MROH2B: variants seen among roughly 807,000 people sequenced by gnomAD.
MROH2B encodes maestro heat like repeat family member 2B.
Under a neutral mutation model 208.6 loss-of-function variants are expected in MROH2B, and 177 were observed. The observed-to-expected ratio is 0.85, with a 90% CI of 0.75 to 0.96. The LOEUF (loss-of-function observed/expected upper bound fraction) is 0.96. MROH2B is among the 40% of genes least tolerant of loss of function. The pLI is 0.00. For synonymous variants in MROH2B, 728 were observed against 659.0 expected (o/e 1.10, Z -1.60); for missense variants, 2,002 against 1,878.7 (o/e 1.07, Z -1.21).
intron 22 of MROH2B, 63 bp downstream of exon 22, chr5:41,033,775 G>T (rs895869461): frequency 1.0e-6 from 1 of 979,566 alleles, no homozygotes; most frequent in Non-Finnish European, 1.5e-6. Flanking sequence ...ACACTTCAGG[G>T]GGGCATTATC....
At chr5:41,055,909 A>C in intron 9 of MROH2B, 54 bp from the exon 10 acceptor site, 1 of 1,254,550 alleles carries the variant, frequency 8.0e-7, no homozygotes, top group Non-Finnish European at 1.2e-6. Context: ...TAGGTAAAAT[A>C]CTTGTGAATG....
At chr5:41,003,964 C>T (rs1741485981) in intron 37 of MROH2B, among the ~76,000 whole-genome samples, 1 of 152,144 alleles carries the variant, frequency 6.6e-6, no homozygotes, top group Non-Finnish European at 1.5e-5. Flanking sequence ...TCTAAAAGGC[C>T]AGACAGTAAA....
intron 21 of MROH2B, 63 bp downstream of exon 21, chr5:41,038,673 G>A (rs1256221272): frequency 7.3e-6 from 11 of 1,502,846 alleles, no homozygotes; most frequent in East Asian, 2.3e-5. Context: ...CCCAGGGACT[G>A]AGCCCCTGCA....
Position 41,008,700 on chromosome 5 carries a change from A to T in MROH2B, c.3514T>A (p.Cys1172Ser). 1 of 1,613,944 alleles carries T rather than the reference A, an allele frequency of 6.2e-7. No individual in the cohort carries two copies. Among genetic ancestry groups the T allele is most frequent in the Non-Finnish European group, 8.5e-7 (1 of 1,179,852 alleles). ...GTGAGCATCTTCTGGCCCAGTGTGC[A>T]GCTAACCAGCTTCAGGAGGAGAGTG... The part of the protein sequence containing the change: ...LFTLLLKLVS[C>S]TLGQKMLTCP... The change falls in exon 33 of 42, where the codon TGC becomes AGC. Residue 1172 changes from cysteine to serine, a missense_variant. Coordinates refer to ENST00000399564, the MANE Select transcript of MROH2B (RefSeq NM_173489.5).
intron 31 of MROH2B, 56 bp from the exon 32 acceptor site, chr5:41,009,462 C>T: frequency 6.3e-7 from 1 of 1,583,272 alleles, no homozygotes; most frequent in South Asian, 1.1e-5. Context: ...GGGCTGTAAG[C>T]TTTTCCATCT....
chr5:41,024,055 A>C (rs1742258240), intron 24 of MROH2B, among the ~76,000 whole-genome samples: 1 of 152,212 alleles, frequency 6.6e-6, no homozygotes, highest in Admixed American at 6.5e-5. Flanking sequence ...GGTAAAGAAC[A>C]ACCAGTACCA....
intron 6 of MROH2B, among the ~76,000 whole-genome samples, chr5:41,059,438 C>T (rs1743569419): frequency 6.6e-6 from 1 of 152,104 alleles, no homozygotes; most frequent in South Asian, 2.1e-4. Flanking sequence ...TAAAAATTGA[C>T]ATCATTCTTA....
rs751583908 is a variant in MROH2B, at chr5:41,009,388, C to T, written c.3312G>A (p.Trp1104Ter). The T allele has an allele frequency of 6.2e-7, 1 of 1,613,836 alleles. No individual in the cohort carries two copies. Among genetic ancestry groups the T allele is most frequent in the South Asian group, 1.1e-5 (1 of 91,076 alleles). The change falls in exon 32 of 42, where the codon TGG (tryptophan) becomes TGA (stop). Residue 1104 changes from tryptophan to a stop codon, truncating the protein, a stop_gained. Transcript: ENST00000399564. LOFTEE classifies it high-confidence loss of function. ...AGGCTGGCTTTTCAGCCAGCGCCTT[C>T]CACAATGTCTTTGTGTCCCTAGGGT... ...LPFDRDTKTL[W>*]KALAEKPASS...
chr5:41,017,066 T>C (rs1334629538), intron 28 of MROH2B, among the ~76,000 whole-genome samples: 1 of 152,110 alleles, frequency 6.6e-6, no homozygotes, highest in Non-Finnish European at 1.5e-5. Flanking sequence ...TCAATAAATA[T>C]TTTGAATACC....
At position 41,046,441 on chromosome 5, in the gene MROH2B, G is replaced by GT. The variant is rs1554050443; in HGVS notation, c.1729-589dup. On this transcript the variant is annotated intron_variant, in intron 17 of 41. Coordinates refer to ENST00000399564, the MANE Select transcript of MROH2B (RefSeq NM_173489.5). ...TTCTTTGAACAATACATAGAAAAGT[G>GT]TTTTTTTTTTCTTTTGGACAAACAC... Among the ~76,000 whole-genome samples, 615 of 147,326 alleles carry GT rather than the reference G, an allele frequency of 4.2e-3. 1 individual carries two copies. The highest frequency in any genetic ancestry group is 6.1e-3 in the Non-Finnish European group (408 of 66,522).
At chr5:41,052,633 G>T (rs9764586) in intron 11 of MROH2B, 46 bp from the exon 12 acceptor site, 108,418 of 1,523,638 alleles carry the variant, frequency 0.071, 4,570 homozygotes, top group African/African-American at 0.17. Flanking sequence ...ATGTTTTGCA[G>T]AAGGGAAATT....
Position 41,055,836 on chromosome 5 carries a change from C to T in MROH2B, c.939G>A (p.Glu313=). Residue 313 remains glutamate (E), a synonymous_variant, in exon 10 of 42, where the codon GAG becomes GAA. Transcript: ENST00000399564. The part of the protein sequence containing the change: ...FLILAHSNPG[E]LMEFFDEQVR... ...CTTGTTCATCAAAAAATTCCATCAG[C>T]TCTCCAGGATTGGAATGGGCTGCAG... 6.2e-7 allele frequency: 1 copy of T among 1,613,658 alleles called. No individual in the cohort carries two copies. The highest frequency in any genetic ancestry group is 8.5e-7 in the Non-Finnish European group (1 of 1,179,634).
At chr5:41,033,899 T>C in intron 21 of MROH2B, 35 bp from the exon 22 acceptor site, 2 of 1,548,556 alleles carry the variant, frequency 1.3e-6, no homozygotes, top group Non-Finnish European at 1.7e-6. Flanking sequence ...AGATACTCAA[T>C]GAGTGGCATT....
In MROH2B at chr5:41,064,578, G is replaced by C. The variant is rs750215206; in HGVS notation, c.362-8C>G. The C allele has an allele frequency of 2.5e-6, 4 of 1,604,828 alleles. No individual in the cohort carries two copies. The South Asian group carries it at 3.3e-5, about 13-fold the overall frequency. On this transcript the variant is annotated splice_polypyrimidine_tract_variant and splice_region_variant and intron_variant, in intron 4 of 41. Coordinates refer to ENST00000399564, the MANE Select transcript of MROH2B (RefSeq NM_173489.5). The stretch of plus-strand genomic sequence containing the variant: ...AAGGAATACTCTGGGACACTGGAGG[G>C]AGAGGCAGAAAGGAGACAAGTGTTA...
chr5:41,026,141 T>G (rs1272294566), intron 24 of MROH2B, among the ~76,000 whole-genome samples: 2 of 152,124 alleles, frequency 1.3e-5, no homozygotes, highest in Non-Finnish European at 2.9e-5. Context: ...AGGGATGCCT[T>G]CTCTCACCAC....
chr5:41,043,842 C>G (rs1249709430), intron 18 of MROH2B, among the ~76,000 whole-genome samples: 4 of 152,106 alleles, frequency 2.6e-5, no homozygotes, highest in African/African-American at 7.2e-5. Context: ...GCCTATACCT[C>G]AAGAGTCCTT....
chr5:41,041,756 T>A (rs909865557), intron 19 of MROH2B, among the ~76,000 whole-genome samples: 4 of 151,548 alleles, frequency 2.6e-5, no homozygotes, highest in African/African-American at 9.7e-5. Context: ...TTACATTCTC[T>A]CTAGATTAGT....
At chr5:41,020,836 A>T (rs991962916) in intron 24 of MROH2B, among the ~76,000 whole-genome samples, 1 of 152,344 alleles carries the variant, frequency 6.6e-6, no homozygotes. Context: ...TATAGCTAAC[A>T]TTATATTCAA....
At chr5:41,003,698 G>A (rs570525555) in intron 37 of MROH2B, among the ~76,000 whole-genome samples, 226 of 152,276 alleles carry the variant, frequency 1.5e-3, no homozygotes, top group African/African-American at 5.2e-3. Flanking sequence ...TATGAAGAAT[G>A]CACTAGAGAA....
Sources: allele counts gnomAD v4.1 joint callset (sites outside exome capture counted in the v4.1 genomes callset), GRCh38; gene constraint gnomAD v4.1.1; transcripts MANE v1.5; gene names NCBI Gene and HGNC (gene_info 2026-07-23, HGNC 2026-07-21).